The following BCLAF3 variants were observed in gnomAD, a reference collection of about 807,000 sequenced individuals.
The protein encoded by BCLAF3 is BCLAF1 and THRAP3 family member 3.
A neutral mutation model predicts 51.2 loss-of-function variants in BCLAF3; 24 were observed. That is an observed-to-expected ratio of 0.47 (90% CI 0.34 to 0.66). The LOEUF (loss-of-function observed/expected upper bound fraction) is 0.66, where lower values mean the gene tolerates loss of function less well. BCLAF3 is among the 30% of genes least tolerant of loss of function. The probability of loss-of-function intolerance (pLI) is 0.01; values close to 1 mark genes in which losing one functional copy is unlikely to be tolerated. For missense variants in BCLAF3, 465 were observed against 525.1 expected (o/e 0.89, Z 1.12); for synonymous variants, 152 against 176.6 (o/e 0.86, Z 1.10).
chrX:19,923,058 T>G (rs1032816789), intron 11 of BCLAF3: 6 of 111,973 alleles, frequency 5.4e-5, no homozygotes, highest in African/African-American at 1.9e-4. Context: ...CAAAGAGATT[T>G]AAAAATATAA....
At chrX:19,989,333 TA>T (rs201457871) in intron 1 of BCLAF3, among the ~76,000 whole-genome samples, 4,424 of 110,385 alleles carry the variant, frequency 0.04, 99 homozygotes, top group Non-Finnish European at 0.065. Flanking sequence ...CCATCTCTAC[TA>T]AAAATACAAA....
intron 1 of BCLAF3, among the ~76,000 whole-genome samples, chrX:19,987,875 C>T (rs1023531051): frequency 1.1e-4 from 12 of 111,673 alleles, no homozygotes; most frequent in African/African-American, 3.9e-4. Context: ...TGAATAAAGC[C>T]AGCCTCAAAA....
At chrX:19,925,811 T>C (rs943284092) in intron 11 of BCLAF3, among the ~76,000 whole-genome samples, 3 of 111,926 alleles carry the variant, frequency 2.7e-5, no homozygotes, top group African/African-American at 9.7e-5. Context: ...AAGCCATCAG[T>C]TTATACACAT....
At chrX:19,927,797 A>G (rs914456934) in intron 11 of BCLAF3, among the ~76,000 whole-genome samples, 2 of 109,015 alleles carry the variant, frequency 1.8e-5, no homozygotes, top group Non-Finnish European at 3.8e-5. Context: ...ATGTACCACT[A>G]TGCCCAGCAA....
rs376381001 is a variant in BCLAF3 at position 19,990,142 on chromosome X, GAAAAAAAAAAAA to G, written c.-35+754_-35+765del. On this transcript the variant is annotated intron_variant, in intron 1 of 11. Transcript: ENST00000379682. ...ACCTGCAGTTTGTAATTTGTTCCAG[GAAAAAAAAAAAA>G]AAAAAAAAAGGCAATCACCTAATAG... 3.5e-4 allele frequency among the ~76,000 whole-genome samples: 18 copies of G among 50,800 alleles called. No individual in the cohort carries two copies. In the East Asian group the frequency reaches 8.0e-3, roughly 23 times the overall value. 44.1% of individuals were successfully genotyped at this position (50,800 alleles called of 115,157 possible).
At position 19,953,020 on chromosome X, in the gene BCLAF3, T is replaced by C. The variant is rs750621410; in HGVS notation, c.1597A>G (p.Ser533Gly). 8 of 1,207,177 alleles carry C rather than the reference T, an allele frequency of 6.6e-6. No individual in the cohort carries two copies. The highest frequency in any genetic ancestry group is 1.7e-5 in the African/African-American group (1 of 57,165). ...GATTCATAGATCACAGCTTGTTTAC[T>C]CTGAAGCTCGGCCAAAGACATATCT... ...RIDMSLAELQ[S>G]KQAVIYESEQ... The change falls in exon 7 of 12, where the codon AGT (serine) becomes GGT (glycine). Residue 533 changes from serine to glycine, a missense_variant. Physicochemically the swap from Ser to Gly is moderately conservative, Grantham distance 56. Transcript: ENST00000379682.
chrX:19,941,588 G>T (rs1366881219), intron 8 of BCLAF3, among the ~76,000 whole-genome samples: 3 of 109,076 alleles, frequency 2.8e-5, no homozygotes, highest in African/African-American at 1.0e-4. Context: ...TTGTAGATAT[G>T]TGGCGTTATT....
chrX:19,981,814 A>T (rs2072621530), intron 1 of BCLAF3, among the ~76,000 whole-genome samples: 1 of 111,007 alleles, frequency 9.0e-6, no homozygotes, highest in South Asian at 4.0e-4. Flanking sequence ...AAATGTCCAG[A>T]ATAAGCAAAT....
At chrX:19,979,121 G>A (rs919775929) in intron 1 of BCLAF3, among the ~76,000 whole-genome samples, 1 of 110,817 alleles carries the variant, frequency 9.0e-6, no homozygotes, top group African/African-American at 3.3e-5. Flanking sequence ...TTAGCCAGGT[G>A]TGGTGGCATA....
At chrX:19,962,536 A>G (rs1228623599) in intron 4 of BCLAF3, among the ~76,000 whole-genome samples, 2 of 112,293 alleles carry the variant, frequency 1.8e-5, no homozygotes, top group Non-Finnish European at 3.8e-5. Context: ...GATTGTATAT[A>G]ATTTTACCTC....
At position 19,915,343 on chromosome X, in the gene BCLAF3, G is replaced by A. The variant is rs1486165434; in HGVS notation, c.*1962C>T. 9.0e-6 allele frequency: 1 copy of A among 111,681 alleles called. No homozygotes were observed. The highest frequency in any genetic ancestry group is 9.6e-5 in the Admixed American group (1 of 10,455). The allele number at this position is 111,681 out of a possible 1,213,427, so 9.2% of individuals were successfully genotyped here. A position where few individuals can be genotyped will look rare whatever the true frequency, so the allele number is the denominator to read the frequency against. On this transcript the variant is annotated 3_prime_UTR_variant, in exon 12 of 12. Coordinates refer to ENST00000379682, the MANE Select transcript of BCLAF3 (RefSeq NM_001367774.2). ...GCTGGGTGCTGGGGATACTATGGTG[G>A]ACAAGACAGACACGGTCCCTGTCCT...
chrX:19,982,168 C>A (rs911213092), intron 1 of BCLAF3, among the ~76,000 whole-genome samples: 1 of 111,517 alleles, frequency 9.0e-6, no homozygotes, highest in Non-Finnish European at 1.9e-5. Flanking sequence ...TCAGGCTGGG[C>A]GTGGTGGCTC....
chrX:19,948,108 A>C (rs927500384), intron 8 of BCLAF3, among the ~76,000 whole-genome samples: 4 of 112,267 alleles, frequency 3.6e-5, no homozygotes, highest in Non-Finnish European at 7.5e-5. Flanking sequence ...TGGAAATGTA[A>C]AATAGCACAG....
At chrX:19,946,382 T>C (rs2071299189) in intron 8 of BCLAF3, among the ~76,000 whole-genome samples, 1 of 112,030 alleles carries the variant, frequency 8.9e-6, no homozygotes, top group Non-Finnish European at 1.9e-5. Flanking sequence ...AGATGCTACA[T>C]ACAGAGGATA....
chrX:19,928,010 G>A (rs1334082039), intron 11 of BCLAF3, among the ~76,000 whole-genome samples: 1 of 105,179 alleles, frequency 9.5e-6, no homozygotes, highest in Non-Finnish European at 1.9e-5. Context: ...CAAGTAGCTG[G>A]GACTACAGGC....
At chrX:19,957,148 C>T (rs1259241245) in intron 4 of BCLAF3, among the ~76,000 whole-genome samples, 1 of 111,923 alleles carries the variant, frequency 8.9e-6, no homozygotes, top group Non-Finnish European at 1.9e-5. Flanking sequence ...GAAAAGTAAT[C>T]ATGCAGCAGG....
At position 19,937,402 on chromosome X, in the gene BCLAF3, G is replaced by A; in HGVS notation, c.1860+16C>T. ...AAGAAATTATAAAAATGCAAATTTT[G>A]GAACTGCAATCTTACCATGTAAGGT... On this transcript the variant is annotated intron_variant, in intron 9 of 11. Coordinates refer to ENST00000379682, the MANE Select transcript of BCLAF3 (RefSeq NM_001367774.2). The A allele has an allele frequency of 1.1e-6, 1 of 925,758 alleles. No individual in the cohort carries two copies. The allele number at this position is 925,758 out of a possible 1,213,427, so 76.3% of individuals were successfully genotyped here.
intron 4 of BCLAF3, among the ~76,000 whole-genome samples, chrX:19,956,593 A>G (rs776052308): frequency 2.7e-5 from 3 of 111,660 alleles, no homozygotes; most frequent in African/African-American, 9.7e-5. Context: ...TCATGCATCA[A>G]TGAAAAAATT....
At chrX:19,941,755 G>A (rs1344890875) in intron 8 of BCLAF3, among the ~76,000 whole-genome samples, 1 of 104,082 alleles carries the variant, frequency 9.6e-6, no homozygotes, top group Non-Finnish European at 2.0e-5. Context: ...GGCCATGCGG[G>A]CTCTTTTTTG....
Sources: allele counts gnomAD v4.1 joint callset (sites outside exome capture counted in the v4.1 genomes callset), GRCh38; gene constraint gnomAD v4.1.1; transcripts MANE v1.5; gene names NCBI Gene and HGNC (gene_info 2026-07-23, HGNC 2026-07-21).